The following JAM2 variants were observed in gnomAD, a reference collection of about 807,000 sequenced individuals.
JAM2 encodes junctional adhesion molecule 2, also known as junctional adhesion molecule B.
In JAM2, 17 loss-of-function variants were observed where a neutral mutation model predicts 42.0. The observed-to-expected ratio is 0.40, with a 90% CI of 0.28 to 0.61. The LOEUF (loss-of-function observed/expected upper bound fraction) is 0.61. Among genes scored for constraint, JAM2 ranks in the 20% least tolerant of loss-of-function variants. The pLI, the probability that JAM2 is intolerant of heterozygous loss-of-function variation, is 0.37. For missense variants in JAM2, 319 were observed against 358.3 expected (o/e 0.89, Z 0.89); for synonymous variants, 118 against 128.6 (o/e 0.92, Z 0.56).
chr21:25,666,022 A>G (rs1333178173), intron 1 of JAM2, among the ~76,000 whole-genome samples: 1 of 152,040 alleles, frequency 6.6e-6, no homozygotes, highest in African/African-American at 2.4e-5. Context: ...CCCGGGTGAT[A>G]GAGTGAGACA....
chr21:25,684,059 A>C (rs528692985), intron 2 of JAM2, 111 bp downstream of exon 2: 1 of 632,810 alleles, frequency 1.6e-6, no homozygotes, highest in South Asian at 2.7e-5. Flanking sequence ...CCTTCTACTA[A>C]TTCCTCTGCC....
At chr21:25,639,975 T>C (rs746798262) in intron 1 of JAM2, 87 bp downstream of exon 1, 2 of 874,978 alleles carry the variant, frequency 2.3e-6, no homozygotes, top group African/African-American at 3.6e-5. Flanking sequence ...GCTGACAGTG[T>C]CTGGGCGGCT....
At chr21:25,645,239 T>C (rs1335905230) in intron 1 of JAM2, among the ~76,000 whole-genome samples, 1 of 152,198 alleles carries the variant, frequency 6.6e-6, no homozygotes, top group Non-Finnish European at 1.5e-5. Flanking sequence ...GTAAAGAACA[T>C]GCACTCCAAT....
At chr21:25,712,443 G>A (rs2034403664) in intron 9 of JAM2, 61 bp downstream of exon 9, 1 of 1,184,334 alleles carries the variant, frequency 8.4e-7, no homozygotes, top group African/African-American at 1.5e-5. Flanking sequence ...GCAGGGAAAT[G>A]AAGTAATTAT....
chr21:25,695,412 T>A (rs1392388283), intron 4 of JAM2, among the ~76,000 whole-genome samples: 1 of 152,248 alleles, frequency 6.6e-6, no homozygotes, highest in Non-Finnish European at 1.5e-5. Context: ...GATTTCTCTA[T>A]CTTTTCCCCA....
intron 1 of JAM2, 139 bp downstream of exon 1, chr21:25,640,027 G>GA: frequency 3.5e-6 from 2 of 566,844 alleles, no homozygotes; most frequent in Non-Finnish European, 5.9e-6. Context: ...TTGCGCCCAG[G>GA]CGAGCGGGAA....
chr21:25,693,104 AT>A (rs896494037), intron 3 of JAM2, among the ~76,000 whole-genome samples: 19 of 152,252 alleles, frequency 1.2e-4, no homozygotes, highest in Admixed American at 7.8e-4. Context: ...ACTGACAGTT[AT>A]TAACCTTACA....
intron 1 of JAM2, among the ~76,000 whole-genome samples, chr21:25,650,277 T>G (rs1188945167): frequency 6.6e-6 from 1 of 152,376 alleles, no homozygotes; most frequent in South Asian, 2.1e-4. Context: ...TCCAGTATTT[T>G]TATAGGTTGG....
intron 7 of JAM2, among the ~76,000 whole-genome samples, chr21:25,707,265 T>A (rs1327638148): frequency 6.6e-6 from 1 of 151,984 alleles, no homozygotes; most frequent in Non-Finnish European, 1.5e-5. Flanking sequence ...GAGGATTACT[T>A]GAGGTCAGGA....
At chr21:25,673,471 G>A (rs536388802) in intron 1 of JAM2, among the ~76,000 whole-genome samples, 164 of 152,156 alleles carry the variant, frequency 1.1e-3, no homozygotes, top group Non-Finnish European at 1.7e-3. Context: ...AAATATACAC[G>A]GTTTATTCAA....
chr21:25,675,134 C>T (rs1460268511), intron 1 of JAM2, among the ~76,000 whole-genome samples: 3 of 152,042 alleles, frequency 2.0e-5, no homozygotes, highest in African/African-American at 4.8e-5. Flanking sequence ...GGGGCACAGG[C>T]GTCTCACATG....
intron 1 of JAM2, among the ~76,000 whole-genome samples, chr21:25,644,866 T>TTTTG (rs57234199): frequency 0.084 from 12,779 of 151,388 alleles, 857 homozygotes; most frequent in East Asian, 0.37. Flanking sequence ...GGTTTTTTGG[T>TTTTG]TTTGTTTGTT....
At chr21:25,683,526 G>A (rs185600942) in intron 1 of JAM2, among the ~76,000 whole-genome samples, 20 of 152,136 alleles carry the variant, frequency 1.3e-4, no homozygotes, top group African/African-American at 4.3e-4. Flanking sequence ...AAGAGAATTA[G>A]CTTTTATTTG....
intron 7 of JAM2, among the ~76,000 whole-genome samples, chr21:25,708,458 C>G (rs1295197540): frequency 6.6e-6 from 1 of 152,156 alleles, no homozygotes; most frequent in East Asian, 1.9e-4. Flanking sequence ...GTTCCAGCTA[C>G]TCAGGAGGCT....
At chr21:25,673,402 TCTTATA>T (rs2033406174) in intron 1 of JAM2, among the ~76,000 whole-genome samples, 1 of 152,232 alleles carries the variant, frequency 6.6e-6, no homozygotes, top group African/African-American at 2.4e-5. Flanking sequence ...CAGTAGTCCC[TCTTATA>T]CTTAAGTTGT....
At chr21:25,714,542 A>G (rs1224436614) in intron 9 of JAM2, 98 bp from the exon 10 acceptor site, 2 of 833,824 alleles carry the variant, frequency 2.4e-6, no homozygotes, top group Non-Finnish European at 3.7e-6. Context: ...TTTTACCTGT[A>G]GAATTCTTAC....
At chr21:25,689,549 A>G (rs2033830448) in intron 2 of JAM2, among the ~76,000 whole-genome samples, 1 of 152,228 alleles carries the variant, frequency 6.6e-6, no homozygotes, top group African/African-American at 2.4e-5. Context: ...TTAAGTCCTT[A>G]CTATGTCCAA....
chr21:25,711,539 T>A, intron 8 of JAM2: 3 of 390,290 alleles, frequency 7.7e-6, no homozygotes, highest in Non-Finnish European at 1.5e-5. Flanking sequence ...TGTTCCCAGA[T>A]TTCTGGCTCA....
intron 7 of JAM2, among the ~76,000 whole-genome samples, chr21:25,709,009 C>A (rs1039064614): frequency 2.0e-5 from 3 of 152,086 alleles, no homozygotes; most frequent in Non-Finnish European, 1.5e-5. Context: ...AATGGCTTTA[C>A]AGATGAACAT....
Sources: gnomAD v4.1 joint callset for allele counts (sites outside exome capture counted in the v4.1 genomes callset) on GRCh38, gnomAD v4.1.1 for gene constraint, MANE v1.5 for transcripts, NCBI Gene and HGNC (gene_info 2026-07-23, HGNC 2026-07-21) for gene names.